DOCK5: variants seen among roughly 807,000 people sequenced by gnomAD.
DOCK5 encodes dedicator of cytokinesis protein 5.
Under a neutral mutation model 251.8 loss-of-function variants are expected in DOCK5, and 142 were observed. That is an observed-to-expected ratio of 0.56 (90% CI 0.49 to 0.65). DOCK5 has a LOEUF of 0.65. DOCK5 is among the 30% of genes least tolerant of loss of function. The pLI is 0.00. For missense variants in DOCK5, 2,111 were observed against 2,312.3 expected (o/e 0.91, Z 1.79); for synonymous variants, 842 against 835.5 (o/e 1.01, Z -0.13).
At chr8:25,186,174 T>G (rs527899792) in intron 1 of DOCK5, among the ~76,000 whole-genome samples, 1 of 152,182 alleles carries the variant, frequency 6.6e-6, no homozygotes, top group East Asian at 1.9e-4. Flanking sequence ...TTTTTAACAG[T>G]CTCATATTTA....
intron 9 of DOCK5, among the ~76,000 whole-genome samples, 176 bp from the exon 10 acceptor site, chr8:25,302,149 T>C (rs868335): frequency 0.86 from 131,032 of 152,198 alleles, 56,653 homozygotes; most frequent in South Asian, 0.89. Flanking sequence ...AAGTCATGTT[T>C]TCTGATGCCA....
chr8:25,252,367 C>T (rs1267523405), intron 2 of DOCK5, among the ~76,000 whole-genome samples: 2 of 152,136 alleles, frequency 1.3e-5, no homozygotes, highest in Non-Finnish European at 2.9e-5. Context: ...TTGTAACTTC[C>T]GTTTACTTTT....
At chr8:25,378,267 G>A (rs1264797114) in intron 38 of DOCK5, among the ~76,000 whole-genome samples, 2 of 152,034 alleles carry the variant, frequency 1.3e-5, no homozygotes, top group African/African-American at 2.4e-5. Flanking sequence ...TCCTGGGGTG[G>A]GGGCACCAGG....
At chr8:25,325,621 G>T in intron 18 of DOCK5, 74 bp downstream of exon 18, 1 of 1,551,534 alleles carries the variant, frequency 6.4e-7, no homozygotes, top group African/African-American at 1.4e-5. Context: ...TAGGCTCACA[G>T]GGCTGGACTA....
At chr8:25,190,011 T>C (rs372734666) in intron 1 of DOCK5, among the ~76,000 whole-genome samples, 395 of 152,192 alleles carry the variant, frequency 2.6e-3, no homozygotes, top group African/African-American at 9.1e-3. Context: ...CTCAGCCTCC[T>C]GAGTAGCTGA....
Position 25,261,071 on chromosome 8 carries a change from G to A in DOCK5, c.128-7774G>A, listed in dbSNP as rs147788169. Among the ~76,000 whole-genome samples, 757 of 152,148 alleles carry A rather than the reference G, an allele frequency of 5.0e-3. 9 individuals are homozygous for A. Among genetic ancestry groups the A allele is most frequent in the African/African-American group, 0.017 (717 of 41,522 alleles). ...TGGAATTATGGATGTGAGCCACCAC[G>A]CCCAGAGAGAATTTTCTAACCATGT... On this transcript the variant is annotated intron_variant, in intron 2 of 51. Coordinates refer to ENST00000276440, the MANE Select transcript of DOCK5 (RefSeq NM_024940.8).
In DOCK5 at chr8:25,212,700, T is replaced by G. The variant is rs1802134422; in HGVS notation, c.43+27749T>G. On this transcript the variant is annotated intron_variant, in intron 1 of 51. Transcript: ENST00000276440. ...TAGAGAGTGTCTGAATAATTTTATT[T>G]CGATGCTTGCAAGAGAGAGGGTCGA... Among the ~76,000 whole-genome samples, 4 of 69,760 alleles carry G rather than the reference T, an allele frequency of 5.7e-5. 1 individual carries two copies. The South Asian group carries it at 1.6e-3, about 28-fold the overall frequency. 45.8% of individuals were successfully genotyped at this position (69,760 alleles called of 152,430 possible).
At chr8:25,277,403 G>C (rs1367606014) in intron 4 of DOCK5, 2 of 152,410 alleles carry the variant, frequency 1.3e-5, no homozygotes, top group Admixed American at 1.3e-4. Flanking sequence ...AACTGTTGCT[G>C]GGTCAAGTTC....
chr8:25,351,738 C>T lies in DOCK5; in HGVS notation c.2762C>T (p.Thr921Ile). 1 of 1,613,502 alleles carries T rather than the reference C, an allele frequency of 6.2e-7. No individual in the cohort carries two copies. The highest frequency in any genetic ancestry group is 8.5e-7 in the Non-Finnish European group (1 of 1,179,698). Residue 921 changes from threonine to isoleucine, a missense_variant, in exon 27 of 52, where the codon ACT (threonine) becomes ATT (isoleucine). Physicochemically the swap from Thr to Ile is moderately conservative, Grantham distance 89. Coordinates refer to ENST00000276440, the MANE Select transcript of DOCK5 (RefSeq NM_024940.8). ...EVLDRKDVGA[T>I]AVHIQLIMER... The stretch of plus-strand genomic sequence containing the variant: ...ATCCTGTGTTCCCTGCAGGGTGCCA[C>T]TGCGGTGCACATTCAGCTTATAATG...
chr8:25,362,881 C>G (rs1800711756), intron 28 of DOCK5, among the ~76,000 whole-genome samples, 166 bp from the exon 29 acceptor site: 1 of 152,160 alleles, frequency 6.6e-6, no homozygotes, highest in African/African-American at 2.4e-5. Flanking sequence ...GCATCACAGC[C>G]AGCTGTAAGA....
At chr8:25,311,524 CAA>C (rs1289157151) in intron 13 of DOCK5, among the ~76,000 whole-genome samples, 1 of 130,488 alleles carries the variant, frequency 7.7e-6, no homozygotes, top group Non-Finnish European at 1.6e-5. Context: ...GCCTGGGCAA[CAA>C]GAGCAAAACT....
intron 17 of DOCK5, among the ~76,000 whole-genome samples, chr8:25,324,274 C>T (rs1805501522): frequency 6.6e-6 from 1 of 152,192 alleles, no homozygotes; most frequent in South Asian, 2.1e-4. Context: ...CTCTTTTCAT[C>T]ATCCTGCATG....
intron 2 of DOCK5, among the ~76,000 whole-genome samples, chr8:25,247,566 G>C (rs1211100562): frequency 6.6e-6 from 1 of 152,078 alleles, no homozygotes; most frequent in Non-Finnish European, 1.5e-5. Context: ...CTACACTCCA[G>C]CCTGGGCAAC....
At chr8:25,308,477 T>C (rs534052024) in intron 11 of DOCK5, among the ~76,000 whole-genome samples, 1 of 152,252 alleles carries the variant, frequency 6.6e-6, no homozygotes, top group Non-Finnish European at 1.5e-5. Flanking sequence ...TCAATTCTAT[T>C]GCAGCAGCCT....
rs1205950277 is a variant in DOCK5 at position 25,411,552 on chromosome 8, G to A, written c.*254G>A. ...CAGCCTCTGATTTTTTCCAAGAAGA[G>A]ATTGCCTTCACCATTGTTAAATGTC... On this transcript the variant is annotated 3_prime_UTR_variant, in exon 52 of 52. Coordinates refer to ENST00000276440, the MANE Select transcript of DOCK5 (RefSeq NM_024940.8). The A allele has an allele frequency of 5.1e-6, 2 of 394,568 alleles. No homozygotes were observed. The highest frequency in any genetic ancestry group is 8.5e-5 in the East Asian group (2 of 23,406). The allele number at this position is 394,568 out of a possible 1,614,324, so 24.4% of individuals were successfully genotyped here. A position where few individuals can be genotyped will look rare whatever the true frequency, so the allele number is the denominator to read the frequency against.
chr8:25,282,779 G>T (rs1804231527), intron 5 of DOCK5, among the ~76,000 whole-genome samples: 1 of 148,396 alleles, frequency 6.7e-6, no homozygotes, highest in Admixed American at 6.8e-5. Context: ...GAGCTCGGGT[G>T]GTTGAAGCTG....
intron 4 of DOCK5, among the ~76,000 whole-genome samples, chr8:25,278,155 G>C (rs2709610): frequency 0.69 from 104,277 of 152,028 alleles, 38,524 homozygotes; most frequent in Non-Finnish European, 0.83. Context: ...CCTGGGTGGA[G>C]TCACAGCCCC....
chr8:25,373,001 A>ATT (rs36091443), intron 35 of DOCK5, among the ~76,000 whole-genome samples: 7 of 141,352 alleles, frequency 5.0e-5, no homozygotes, highest in African/African-American at 1.3e-4. Context: ...AGTTTTGGGG[A>ATT]TTTTTTTTTT....
At position 25,211,171 on chromosome 8, in the gene DOCK5, C is replaced by G. The variant is rs187463367; in HGVS notation, c.43+26220C>G. On this transcript the variant is annotated intron_variant, in intron 1 of 51. Transcript: ENST00000276440. ...CCCTGTCTTTAAGGAACTTACAGTA[C>G]AGCAGAGGGGACAGGATGGTGTCTC... Among the ~76,000 whole-genome samples the G allele has an allele frequency of 1.9e-3, 136 of 70,858 alleles. 38 individuals carry two copies. Among genetic ancestry groups the G allele is most frequent in the African/African-American group, 4.2e-3 (130 of 31,224 alleles). 46.5% of individuals were successfully genotyped at this position (70,858 alleles called of 152,430 possible).
Sources: gnomAD v4.1 joint callset for allele counts (sites outside exome capture counted in the v4.1 genomes callset) on GRCh38, gnomAD v4.1.1 for gene constraint, MANE v1.5 for transcripts, NCBI Gene and HGNC (gene_info 2026-07-23, HGNC 2026-07-21) for gene names.